Variants in TMEM131 observed in about 807,000 individuals in gnomAD.
The protein encoded by TMEM131 is transmembrane protein 131, also known as 2610524E03Rik.
A neutral mutation model predicts 211.6 loss-of-function variants in TMEM131; 66 were observed. The observed-to-expected ratio is 0.31, with a 90% CI of 0.26 to 0.38. The LOEUF (loss-of-function observed/expected upper bound fraction) is 0.38, where lower values mean the gene tolerates loss of function less well. Among genes scored for constraint, TMEM131 ranks in the 10% least tolerant of loss-of-function variants. The probability of loss-of-function intolerance (pLI) is 1.00; values close to 1 mark genes in which losing one functional copy is unlikely to be tolerated. For synonymous variants in TMEM131, 844 were observed against 841.3 expected (o/e 1.00, Z -0.06); for missense variants, 2,036 against 2,299.3 (o/e 0.89, Z 2.34).
In TMEM131 at chr2:97,797,532, A is replaced by C. The variant is rs1439561409; in HGVS notation, c.2719-16T>G. The C allele has an allele frequency of 6.2e-7, 1 of 1,600,234 alleles. No individual in the cohort carries two copies. Among genetic ancestry groups the C allele is most frequent in the Non-Finnish European group, 8.5e-7 (1 of 1,173,862 alleles). On this transcript the variant is annotated splice_polypyrimidine_tract_variant and intron_variant, in intron 25 of 40. Coordinates refer to ENST00000186436, the MANE Select transcript of TMEM131 (RefSeq NM_015348.2). ...GTGGATGAGCCTTGAATCATTGGGT[A>C]AACAGAGAGGAGTCATGAATATATT...
At chr2:97,812,052 T>C (rs1042797196) in intron 17 of TMEM131, among the ~76,000 whole-genome samples, 7 of 152,238 alleles carry the variant, frequency 4.6e-5, no homozygotes, top group Non-Finnish European at 7.3e-5. Flanking sequence ...ATTGCATAAT[T>C]GAAAATATTT....
At chr2:97,788,321 C>T (rs1038263685) in intron 31 of TMEM131, among the ~76,000 whole-genome samples, 3 of 152,168 alleles carry the variant, frequency 2.0e-5, no homozygotes, top group Non-Finnish European at 4.4e-5. Flanking sequence ...CCTGGGCCTA[C>T]AACATTCTCA....
At chr2:97,882,560 C>T (rs1445109047) in intron 4 of TMEM131, among the ~76,000 whole-genome samples, 1 of 152,196 alleles carries the variant, frequency 6.6e-6, no homozygotes, top group Non-Finnish European at 1.5e-5. Flanking sequence ...TCAGGATCTT[C>T]CCTGGATACT....
intron 1 of TMEM131, among the ~76,000 whole-genome samples, chr2:97,936,390 GGGCTGACCCCA>G (rs1341055034): frequency 6.6e-6 from 1 of 152,140 alleles, no homozygotes; most frequent in African/African-American, 2.4e-5. Flanking sequence ...CTCACACCTG[GGGCTGACCCCA>G]GGCTTTGTGT....
intron 26 of TMEM131, 25 bp downstream of exon 26, chr2:97,797,340 C>T: frequency 6.4e-7 from 1 of 1,553,878 alleles, no homozygotes; most frequent in Non-Finnish European, 8.7e-7. Context: ...TAAAAATGAA[C>T]CCACACCTAT....
chr2:97,766,337 T>C, intron 34 of TMEM131, 74 bp from the exon 35 acceptor site: 2 of 1,604,332 alleles, frequency 1.2e-6, no homozygotes. Context: ...CAATGAACCT[T>C]CTAATGAGGA....
At chr2:97,850,490 T>C (rs752990647) in intron 5 of TMEM131, among the ~76,000 whole-genome samples, 1 of 152,110 alleles carries the variant, frequency 6.6e-6, no homozygotes, top group Non-Finnish European at 1.5e-5. Flanking sequence ...ACCAGTGCCA[T>C]CCTCTCTGGA....
chr2:97,839,452 C>T (rs1251752084), intron 7 of TMEM131, among the ~76,000 whole-genome samples: 2 of 152,124 alleles, frequency 1.3e-5, no homozygotes, highest in African/African-American at 4.8e-5. Context: ...ATTACAAAGT[C>T]AAACAAATAA....
chr2:97,812,458 G>A lies in TMEM131; in HGVS notation c.1826C>T (p.Pro609Leu), dbSNP rs1272855726. The A allele has an allele frequency of 1.2e-6, 2 of 1,611,440 alleles. No homozygotes were observed. Among genetic ancestry groups the A allele is most frequent in the Non-Finnish European group, 1.7e-6 (2 of 1,179,202 alleles). ...GNRTTIISSL[P>L]EFEKSSLSDQ... ...TGATAAAGAGGATTTTTCAAACTCT[G>A]GCAGGCTTGAAATTATTGTAGTTCT... The change falls in exon 17 of 41, where the codon CCA (proline) becomes CTA (leucine). Residue 609 changes from proline (P) to leucine (L), a missense_variant. Coordinates refer to ENST00000186436, the MANE Select transcript of TMEM131 (RefSeq NM_015348.2).
intron 2 of TMEM131, among the ~76,000 whole-genome samples, chr2:97,916,018 A>G (rs1676492797): frequency 6.6e-6 from 1 of 152,064 alleles, no homozygotes; most frequent in South Asian, 2.1e-4. Context: ...AGATCAAGCA[A>G]TTCTCCTGCC....
At chr2:97,985,380 C>T (rs1399024626) in intron 1 of TMEM131, among the ~76,000 whole-genome samples, 2 of 151,918 alleles carry the variant, frequency 1.3e-5, no homozygotes, top group African/African-American at 2.4e-5. Context: ...CACACACACA[C>T]ACAGACTTAG....
At chr2:97,890,210 C>A (rs936767702) in intron 3 of TMEM131, among the ~76,000 whole-genome samples, 1 of 152,140 alleles carries the variant, frequency 6.6e-6, no homozygotes, top group Non-Finnish European at 1.5e-5. Flanking sequence ...CATGATCTGA[C>A]ACATATCATA....
chr2:97,884,736 C>G (rs1224646362), intron 4 of TMEM131, among the ~76,000 whole-genome samples: 1 of 152,154 alleles, frequency 6.6e-6, no homozygotes, highest in Non-Finnish European at 1.5e-5. Flanking sequence ...AGTAATGCTA[C>G]TCCTGCTGGC....
intron 39 of TMEM131, 23 bp from the exon 40 acceptor site, chr2:97,759,076 C>T (rs1444402871): frequency 6.2e-7 from 1 of 1,613,922 alleles, no homozygotes; most frequent in South Asian, 1.1e-5. Flanking sequence ...CAACAGTCAT[C>T]AAGTCCATAT....
intron 33 of TMEM131, among the ~76,000 whole-genome samples, chr2:97,767,255 G>C (rs1282485244): frequency 6.6e-6 from 1 of 152,162 alleles, no homozygotes; most frequent in African/African-American, 2.4e-5. Flanking sequence ...ATTGAGGTAA[G>C]CTTAAGATAA....
At chr2:97,805,029 TTA>T (rs1681226931) in intron 22 of TMEM131, 57 bp downstream of exon 22, 5 of 1,150,666 alleles carry the variant, frequency 4.3e-6, no homozygotes, top group Non-Finnish European at 3.6e-6. Context: ...TTAGAAAGCA[TTA>T]TGTTTCAATA....
chr2:97,828,155 A>G (rs1281223739), intron 11 of TMEM131, among the ~76,000 whole-genome samples: 1 of 152,182 alleles, frequency 6.6e-6, no homozygotes, highest in Non-Finnish European at 1.5e-5. Flanking sequence ...CAGCTGACCA[A>G]CATGTGAAGA....
intron 31 of TMEM131, among the ~76,000 whole-genome samples, chr2:97,778,218 T>C (rs1490536330): frequency 1.3e-5 from 2 of 151,970 alleles, no homozygotes; most frequent in African/African-American, 4.8e-5. Flanking sequence ...AAGCTATGAG[T>C]AGACAAAAAA....
At chr2:97,818,586 A>G (rs370957475) in intron 12 of TMEM131, 27 bp downstream of exon 12, 70 of 1,410,326 alleles carry the variant, frequency 5.0e-5, no homozygotes, top group Non-Finnish European at 6.9e-5. Flanking sequence ...ACATCACTCT[A>G]TCAGAGAGAA....
Sources: allele counts gnomAD v4.1 joint callset (sites outside exome capture counted in the v4.1 genomes callset), GRCh38; gene constraint gnomAD v4.1.1; transcripts MANE v1.5; gene names NCBI Gene and HGNC (gene_info 2026-07-23, HGNC 2026-07-21).